HIVEP1: variants seen among roughly 807,000 people sequenced by gnomAD.
HIVEP1 encodes zinc finger protein 40.
In HIVEP1, 36 loss-of-function variants were observed where a neutral mutation model predicts 180.0. The ratio of observed to expected loss-of-function variants is 0.20; its 90% CI spans 0.15 to 0.26. The LOEUF (loss-of-function observed/expected upper bound fraction) is 0.26, where lower values mean the gene tolerates loss of function less well. HIVEP1 is among the 10% of genes least tolerant of loss of function. HIVEP1 has a pLI of 1.00. For missense variants in HIVEP1, 3,143 were observed against 3,268.7 expected (o/e 0.96, Z 0.94); for synonymous variants, 1,239 against 1,239.0 (o/e 1.00, Z 0.00).
intron 2 of HIVEP1, among the ~76,000 whole-genome samples, chr6:12,036,362 T>TA (rs1434112289): frequency 2.0e-5 from 3 of 152,234 alleles, no homozygotes; most frequent in African/African-American, 4.8e-5. Flanking sequence ...TCATTATATG[T>TA]AAAAATCCAC....
chr6:12,173,784 C>G, the HIVEP1 span, among the ~76,000 whole-genome samples: 2 of 152,112 alleles, frequency 1.3e-5, no homozygotes, highest in Admixed American at 6.5e-5. Context: ...AGCTAGCTAC[C>G]TATGAATGTT....
chr6:12,045,671 A>G (rs528574984), intron 2 of HIVEP1, among the ~76,000 whole-genome samples: 1 of 152,350 alleles, frequency 6.6e-6, no homozygotes, highest in East Asian at 1.9e-4. Context: ...ATTGTAACCC[A>G]CTGGTGCCAT....
At chr6:12,201,833 TC>T in the HIVEP1 span, among the ~76,000 whole-genome samples, 1 of 152,184 alleles carries the variant, frequency 6.6e-6, no homozygotes, top group Non-Finnish European at 1.5e-5. Context: ...TTCTAGTAGG[TC>T]CTTTCTAACA....
chr6:12,008,579 A>G (rs1333502942), upstream of HIVEP1: 1 of 151,982 alleles, frequency 6.6e-6, no homozygotes, highest in African/African-American at 2.4e-5. Flanking sequence ...CTTTCCCGCG[A>G]CTACCTGCTT....
intron 2 of HIVEP1, among the ~76,000 whole-genome samples, chr6:12,016,293 CTTA>C (rs1266984484): frequency 1.3e-5 from 2 of 152,076 alleles, no homozygotes; most frequent in African/African-American, 2.4e-5. Flanking sequence ...TGTATTCTAG[CTTA>C]TTGTTTAAAA....
chr6:12,151,746 C>T (rs1254906866), intron 7 of HIVEP1, among the ~76,000 whole-genome samples: 3 of 152,166 alleles, frequency 2.0e-5, no homozygotes. Flanking sequence ...GAATACTAAA[C>T]TGTGACTGTA....
At position 12,124,400 on chromosome 6, in the gene HIVEP1, G is replaced by T. The variant is rs147510333; in HGVS notation, c.4605G>T (p.Thr1535=). 3 of 1,613,864 alleles carry T rather than the reference G, an allele frequency of 1.9e-6. No homozygotes were observed. The highest frequency in any genetic ancestry group is 1.3e-5 in the African/African-American group (1 of 74,880). Reference sequence around the variant, plus strand: ...CACAGCTATCTCTGCAAGTGTCTACGCAGGGTAGCAAGCCAGATAAAAATT... The same window carrying T: ...CACAGCTATCTCTGCAAGTGTCTACTCAGGGTAGCAAGCCAGATAAAAATT... ...QSTQLSLQVS[T]QGSKPDKNSV... is the part of the protein sequence containing the mutation. The change falls in exon 4 of 9, where the codon ACG becomes ACT. Residue 1535 remains threonine (T), a synonymous_variant. Transcript: ENST00000379388.
intron 2 of HIVEP1, among the ~76,000 whole-genome samples, chr6:12,070,018 T>C (rs1771863452): frequency 6.6e-6 from 1 of 152,214 alleles, no homozygotes; most frequent in African/African-American, 2.4e-5. Context: ...TCAGTATCAT[T>C]GTCTTCCATC....
intron 3 of HIVEP1, among the ~76,000 whole-genome samples, chr6:12,111,965 G>A (rs775113518): frequency 5.9e-5 from 9 of 152,168 alleles, no homozygotes; most frequent in African/African-American, 1.4e-4. Context: ...TCTTTTAAAC[G>A]GTGAAATTTT....
intron 7 of HIVEP1, among the ~76,000 whole-genome samples, chr6:12,152,754 C>T (rs1376461223): frequency 1.3e-5 from 2 of 152,170 alleles, no homozygotes; most frequent in Non-Finnish European, 2.9e-5. Context: ...ATCCCAGCCC[C>T]TCCTACATCC....
chr6:12,091,824 A>G (rs930829689), intron 3 of HIVEP1, among the ~76,000 whole-genome samples: 12 of 152,172 alleles, frequency 7.9e-5, no homozygotes, highest in Non-Finnish European at 1.6e-4. Flanking sequence ...TTACAGTGCT[A>G]TCTCCTGATT....
intron 3 of HIVEP1, among the ~76,000 whole-genome samples, chr6:12,097,787 T>A (rs1174442038): frequency 1.3e-5 from 2 of 152,166 alleles, no homozygotes; most frequent in African/African-American, 4.8e-5. Flanking sequence ...CATAATGATA[T>A]AAACAAAGCA....
chr6:12,020,908 T>TTTTTTTA (rs1768150620), intron 2 of HIVEP1, among the ~76,000 whole-genome samples: 1 of 145,202 alleles, frequency 6.9e-6, no homozygotes, highest in Admixed American at 6.9e-5. Flanking sequence ...TTTTTTTTTT[T>TTTTTTTA]GAGACGGAGT....
chr6:12,210,282 A>T, the HIVEP1 span, among the ~76,000 whole-genome samples: 1 of 152,232 alleles, frequency 6.6e-6, no homozygotes, highest in African/African-American at 2.4e-5. Context: ...TGGATTACAA[A>T]GCACGTTATG....
the HIVEP1 span, among the ~76,000 whole-genome samples, chr6:12,186,638 G>T: frequency 6.6e-6 from 1 of 151,182 alleles, no homozygotes; most frequent in South Asian, 2.1e-4. Context: ...TTAACTGCCT[G>T]CCAGAATAAA....
intron 7 of HIVEP1, among the ~76,000 whole-genome samples, chr6:12,140,474 C>T (rs537066211): frequency 1.4e-3 from 214 of 152,308 alleles, no homozygotes; most frequent in African/African-American, 4.7e-3. Flanking sequence ...TCCAAAAGAT[C>T]GCAGCTCCTC....
upstream of HIVEP1, among the ~76,000 whole-genome samples, chr6:12,009,124 G>A (rs567676542): frequency 0.012 from 1,576 of 134,394 alleles, 17 homozygotes; most frequent in African/African-American, 0.039. Context: ...TGGCGGTGGC[G>A]GCGGCGGCGG....
chr6:12,171,475 C>T, the HIVEP1 span, among the ~76,000 whole-genome samples: 1 of 152,182 alleles, frequency 6.6e-6, no homozygotes, highest in African/African-American at 2.4e-5. Context: ...CAAAAGAGCA[C>T]ATTCTGAGGC....
chr6:12,173,787 T>C, the HIVEP1 span, among the ~76,000 whole-genome samples: 1 of 152,196 alleles, frequency 6.6e-6, no homozygotes, highest in Non-Finnish European at 1.5e-5. Flanking sequence ...TAGCTACCTA[T>C]GAATGTTGCC....
Sources: allele counts gnomAD v4.1 joint callset (sites outside exome capture counted in the v4.1 genomes callset), GRCh38; gene constraint gnomAD v4.1.1; transcripts MANE v1.5; gene names NCBI Gene and HGNC (gene_info 2026-07-23, HGNC 2026-07-21).